The following CCDC63 variants were observed in gnomAD, a reference collection of about 807,000 sequenced individuals.
CCDC63 encodes coiled-coil domain-containing protein 63.
CCDC63 carries 54 observed loss-of-function variants against 63.6 expected under a neutral mutation model. That is an observed-to-expected ratio of 0.85 (90% CI 0.68 to 1.07). CCDC63 has a LOEUF of 1.07. CCDC63 is among the 50% of genes least tolerant of loss of function. The pLI is 0.00. For synonymous variants in CCDC63, 253 were observed against 266.1 expected, an observed-to-expected ratio of 0.95 and a Z score of 0.48; for missense variants, 637 against 689.6, an observed-to-expected ratio of 0.92 and a Z score of 0.86.
intron 4 of CCDC63, among the ~76,000 whole-genome samples, chr12:110,865,923 T>C (rs530805692): frequency 6.6e-6 from 1 of 152,340 alleles, no homozygotes; most frequent in Non-Finnish European, 1.5e-5. Flanking sequence ...TCAGGTGAAT[T>C]ACAGAGATCT....
rs146832772 is a variant in CCDC63, at chr12:110,907,259, C to T, written c.1547-72C>T. 1.4e-4 allele frequency: 207 copies of T among 1,516,230 alleles called. No homozygotes were observed. The African/African-American group carries it at 2.1e-3, about 15-fold the overall frequency. 93.9% of individuals were successfully genotyped at this position (1,516,230 alleles called of 1,614,324 possible). ...TCCACTCCCCAGTGCTATGGAGGGA[C>T]GCCAAACCAGGCTTAGCCCCAGCCC... is the stretch of plus-strand genomic sequence containing the variant. On this transcript the variant is annotated intron_variant, in intron 11 of 11. Transcript: ENST00000308208. This position sits in a 1 kb window ranked among gnomAD's most constrained non-coding sequence, Gnocchi z 4.4.
At chr12:110,892,987 A>C in intron 8 of CCDC63, 89 bp from the exon 9 acceptor site, 1 of 1,007,540 alleles carries the variant, frequency 9.9e-7, no homozygotes, top group Non-Finnish European at 1.5e-6. Context: ...TGAAATCCTC[A>C]TCGACTCTTT....
intron 4 of CCDC63, among the ~76,000 whole-genome samples, chr12:110,867,295 C>T (rs61940979): frequency 7.4e-4 from 72 of 97,926 alleles, no homozygotes; most frequent in African/African-American, 2.0e-3. Context: ...CCAGTAGGGG[C>T]GGCCGGGCAG....
intron 8 of CCDC63, among the ~76,000 whole-genome samples, chr12:110,890,769 TTTTC>T (rs1234048065): frequency 2.4e-4 from 32 of 133,824 alleles, no homozygotes; most frequent in African/African-American, 9.0e-4. Context: ...TTTTTCCTCC[TTTTC>T]TTTTTTTTTT....
Position 110,872,101 on chromosome 12 carries a change from T to C in CCDC63, c.370-1741T>C, listed in dbSNP as rs781716243. On this transcript the variant is annotated intron_variant, in intron 4 of 11. Transcript: ENST00000308208. ...TGATATTTATTTTGATACGTGAATG[T>C]CCTCATCTGACTTACCTAGAACAGG... 9.2e-5 allele frequency among the ~76,000 whole-genome samples: 14 copies of C among 152,328 alleles called. No individual in the cohort carries two copies. In the South Asian group the frequency reaches 1.7e-3, roughly 18 times the overall value.
chr12:110,869,466 A>C (rs1422945805), intron 4 of CCDC63, among the ~76,000 whole-genome samples: 4 of 151,912 alleles, frequency 2.6e-5, no homozygotes, highest in Non-Finnish European at 5.9e-5. Flanking sequence ...CTTGAAGGGC[A>C]CTCTTCTTCA....
chr12:110,872,208 G>A (rs1321818756), intron 4 of CCDC63, among the ~76,000 whole-genome samples: 1 of 152,194 alleles, frequency 6.6e-6, no homozygotes, highest in Non-Finnish European at 1.5e-5. Context: ...CAAGTCCTTA[G>A]CTCTGCCTTT....
chr12:110,880,582 T>C (rs1256539529), intron 6 of CCDC63, among the ~76,000 whole-genome samples: 1 of 151,844 alleles, frequency 6.6e-6, no homozygotes, highest in African/African-American at 2.4e-5. Flanking sequence ...ACTGTATTGT[T>C]GTAGGAGCTC....
chr12:110,867,327 C>CG (rs1190278495), intron 4 of CCDC63, among the ~76,000 whole-genome samples: 1 of 99,940 alleles, frequency 1.0e-5, no homozygotes, highest in Non-Finnish European at 2.0e-5. Context: ...ACCTCCCAGA[C>CG]GGGGCGGCTG....
intron 4 of CCDC63, among the ~76,000 whole-genome samples, chr12:110,867,278 T>C (rs2070973868): frequency 2.2e-5 from 2 of 89,694 alleles, no homozygotes; most frequent in South Asian, 4.6e-4. Context: ...GAGGGGCTCC[T>C]CACTTCCCAG....
chr12:110,895,448 G>T (rs1484414077), intron 9 of CCDC63, among the ~76,000 whole-genome samples: 1 of 152,224 alleles, frequency 6.6e-6, no homozygotes, highest in African/African-American at 2.4e-5. Flanking sequence ...ACTCACAGAT[G>T]TTTCCTACCC....
chr12:110,888,826 CTT>C (rs1346665504), intron 8 of CCDC63, among the ~76,000 whole-genome samples: 32 of 136,806 alleles, frequency 2.3e-4, no homozygotes, highest in African/African-American at 9.2e-4. Flanking sequence ...TCCTTCCTTC[CTT>C]CCTTCCTTCC....
intron 4 of CCDC63, among the ~76,000 whole-genome samples, chr12:110,866,416 TAAAC>T (rs1173319205): frequency 2.0e-5 from 3 of 149,012 alleles, no homozygotes; most frequent in Non-Finnish European, 4.4e-5. Flanking sequence ...GGTCAGCAGA[TAAAC>T]AAGTGAACAA....
At chr12:110,882,324 C>G (rs1329096837) in intron 7 of CCDC63, among the ~76,000 whole-genome samples, 1 of 151,806 alleles carries the variant, frequency 6.6e-6, no homozygotes, top group Non-Finnish European at 1.5e-5. Context: ...CTGGCCTGGG[C>G]AAATGAGCAA....
rs750494632 is a variant in CCDC63 at position 110,904,699 on chromosome 12, G to A, written c.1454G>A (p.Trp485Ter). ...CCGCCACCCTTCATCAACCCTTTCT[G>A]GGGTGGCTCTGCCCTCCTCAAGCCC... ...EIPPPFINPF[W>*]GGSALLKPPE... The change falls in exon 11 of 12, where the codon TGG (tryptophan) becomes TAG (stop). Residue 485 changes from tryptophan (W) to a stop codon, truncating the protein, a stop_gained. Coordinates refer to ENST00000308208, the MANE Select transcript of CCDC63 (RefSeq NM_152591.3). LOFTEE classifies it high-confidence loss of function. 22 of 1,614,054 alleles carry A rather than the reference G, an allele frequency of 1.4e-5. No homozygotes were observed. The highest frequency in any genetic ancestry group is 5.0e-5 in the Admixed American group (3 of 60,022).
rs2071096601 is a variant in CCDC63, at chr12:110,873,861, A to G, written c.389A>G (p.Lys130Arg). 1 of 1,613,152 alleles carries G rather than the reference A, an allele frequency of 6.2e-7. No homozygotes were observed. Among genetic ancestry groups the G allele is most frequent in the African/African-American group, 1.3e-5 (1 of 74,712 alleles). Reference protein sequence around the residue: ...LDEKILQMEKKIANQKQIFAK... With the variant: ...LDEKILQMEKRIANQKQIFAK... Reference sequence around the variant, plus strand: ...TTTCAGATTCTTCAGATGGAAAAAAAAATCGCAAACCAAAAACAGATTTTC... The same window carrying G: ...TTTCAGATTCTTCAGATGGAAAAAAGAATCGCAAACCAAAAACAGATTTTC... The change falls in exon 5 of 12, where the codon AAA becomes AGA. Residue 130 changes from lysine (K) to arginine (R), a missense_variant. Transcript: ENST00000308208.
chr12:110,884,263 C>T lies in CCDC63; in HGVS notation c.1074+13C>T. 1 of 1,611,048 alleles carries T rather than the reference C, an allele frequency of 6.2e-7. No individual in the cohort carries two copies. The highest frequency in any genetic ancestry group is 8.5e-7 in the Non-Finnish European group (1 of 1,177,450). ...CCAACGAATCCAGGTCAGGGCGGCT[C>T]TGCTTTCCCAGGCCCTGGGCCCCTG... On this transcript the variant is annotated intron_variant, in intron 8 of 11. Coordinates refer to ENST00000308208, the MANE Select transcript of CCDC63 (RefSeq NM_152591.3).
intron 9 of CCDC63, among the ~76,000 whole-genome samples, chr12:110,896,206 T>C (rs2071413638): frequency 6.6e-6 from 1 of 152,124 alleles, no homozygotes; most frequent in African/African-American, 2.4e-5. Flanking sequence ...AGTGGTGGGA[T>C]CACAGCTCAC....
At chr12:110,890,999 A>G (rs1356036219) in intron 8 of CCDC63, among the ~76,000 whole-genome samples, 1 of 151,848 alleles carries the variant, frequency 6.6e-6, no homozygotes, top group African/African-American at 2.4e-5. Flanking sequence ...GGCAGGTCTC[A>G]AACTCCTGGG....
Sources: allele counts gnomAD v4.1 joint callset (sites outside exome capture counted in the v4.1 genomes callset), GRCh38; gene constraint gnomAD v4.1.1; non-coding constraint Gnocchi (gnomAD v3.1); transcripts MANE v1.5; gene names NCBI Gene and HGNC (gene_info 2026-07-23, HGNC 2026-07-21).